Variants in TRHDE observed in about 807,000 individuals in gnomAD.
TRHDE encodes thyrotropin releasing hormone degrading enzyme.
TRHDE carries 72 observed loss-of-function variants against 125.7 expected under a neutral mutation model. The ratio of observed to expected loss-of-function variants is 0.57; its 90% confidence interval spans 0.47 to 0.70. The LOEUF is 0.70. TRHDE is among the 30% of genes least tolerant of loss of function. The pLI is 0.00. For synonymous variants in TRHDE, 509 were observed against 509.1 expected (o/e 1.00, Z 0.00); for missense variants, 1,110 against 1,327.1 (o/e 0.84, Z 2.54).
intron 12 of TRHDE, among the ~76,000 whole-genome samples, chr12:72,577,804 A>C (rs1871065094): frequency 6.6e-6 from 1 of 152,182 alleles, no homozygotes; most frequent in Admixed American, 6.5e-5. Flanking sequence ...GCTTTCAATT[A>C]CAATTTTGGG....
chr12:72,542,451 G>T, intron 7 of TRHDE, 95 bp downstream of exon 7: 1 of 1,008,272 alleles, frequency 9.9e-7, no homozygotes, highest in Non-Finnish European at 1.4e-6. Flanking sequence ...TGAACTTGGT[G>T]GAAAACTTTA....
At chr12:72,195,048 A>G (rs1470097781) in intron 2 of TRHDE, among the ~76,000 whole-genome samples, 1 of 152,068 alleles carries the variant, frequency 6.6e-6, no homozygotes, top group Non-Finnish European at 1.5e-5. Context: ...GGAAGCAAAC[A>G]TGTCCTTCTT....
chr12:72,451,209 C>T (rs1020585552), intron 3 of TRHDE, among the ~76,000 whole-genome samples: 5 of 152,044 alleles, frequency 3.3e-5, no homozygotes, highest in South Asian at 2.1e-4. Context: ...CAAAGCAGTA[C>T]CATTGAGCTT....
At chr12:72,289,362 T>C (rs1369388445) in intron 2 of TRHDE, among the ~76,000 whole-genome samples, 1 of 152,158 alleles carries the variant, frequency 6.6e-6, no homozygotes, top group Non-Finnish European at 1.5e-5. Flanking sequence ...CAAGGCACTA[T>C]TCTAAGTAAT....
At chr12:72,561,147 T>C (rs1870156956) in intron 7 of TRHDE, among the ~76,000 whole-genome samples, 2 of 152,190 alleles carry the variant, frequency 1.3e-5, no homozygotes, top group South Asian at 2.1e-4. Context: ...GAGTTGCCAT[T>C]TGCTGTGCTG....
intron 3 of TRHDE, among the ~76,000 whole-genome samples, chr12:72,426,457 A>T (rs1874187433): frequency 6.6e-6 from 1 of 152,176 alleles, no homozygotes; most frequent in Non-Finnish European, 1.5e-5. Flanking sequence ...TAAATACTTC[A>T]CATTGTGCCA....
intron 3 of TRHDE, among the ~76,000 whole-genome samples, chr12:72,399,241 G>A (rs1361555616): frequency 1.3e-5 from 2 of 152,224 alleles, no homozygotes; most frequent in East Asian, 1.9e-4. Context: ...GGCTGGGAAC[G>A]TCTGCTTTAA....
chr12:72,522,248 A>G (rs1038988161), intron 6 of TRHDE, among the ~76,000 whole-genome samples: 1 of 152,220 alleles, frequency 6.6e-6, no homozygotes, highest in African/African-American at 2.4e-5. Flanking sequence ...TTATGTTTAT[A>G]GAGCACCTTA....
In TRHDE at chr12:72,272,639, G is replaced by T; in HGVS notation, c.-5G>T. ...GGGGGCGGGGGAGGAGGAGGAGGCGGTGTGATGGCCCTGGACGGCGAGCTG... is the reference window on the plus strand; with the variant it reads ...GGGGGCGGGGGAGGAGGAGGAGGCGTTGTGATGGCCCTGGACGGCGAGCTG... On this transcript the variant is annotated 5_prime_UTR_variant, in exon 1 of 19. Coordinates refer to ENST00000261180, the MANE Select transcript of TRHDE (RefSeq NM_013381.3). This position sits in a 1 kb window ranked among gnomAD's most constrained non-coding sequence, Gnocchi z 6.7. The T allele has an allele frequency of 9.7e-7, 1 of 1,029,274 alleles. No individual in the cohort carries two copies. The allele number at this position is 1,029,274 out of a possible 1,614,324, so 63.8% of individuals were successfully genotyped here.
intron 2 of TRHDE, among the ~76,000 whole-genome samples, chr12:72,332,444 C>T (rs936949919): frequency 6.6e-6 from 1 of 152,106 alleles, no homozygotes; most frequent in African/African-American, 2.4e-5. Context: ...CGGCCCCAAA[C>T]TCTTTTAAAC....
At chr12:72,113,117 A>G (rs1203247236) in intron 2 of TRHDE, among the ~76,000 whole-genome samples, 1 of 152,124 alleles carries the variant, frequency 6.6e-6, no homozygotes, top group Non-Finnish European at 1.5e-5. Context: ...TCCCAGGCTC[A>G]CGTGATCCTC....
At chr12:72,213,544 A>G (rs1468470216) in intron 2 of TRHDE, among the ~76,000 whole-genome samples, 2 of 152,136 alleles carry the variant, frequency 1.3e-5, no homozygotes, top group Non-Finnish European at 2.9e-5. Flanking sequence ...AAATTAACAG[A>G]GCTAGAACAG....
At chr12:72,101,960 T>A (rs1875078146) in intron 1 of TRHDE, among the ~76,000 whole-genome samples, 1 of 152,226 alleles carries the variant, frequency 6.6e-6, no homozygotes, top group South Asian at 2.1e-4. Flanking sequence ...TTTGTTTAGA[T>A]CATTTAAAAT....
rs965663142 is a variant in TRHDE at position 72,664,573 on chromosome 12, T to G, written c.*1378T>G. 1 of 152,160 alleles carries G rather than the reference T, an allele frequency of 6.6e-6. No homozygotes were observed. Among genetic ancestry groups the G allele is most frequent in the Non-Finnish European group, 1.5e-5 (1 of 67,994 alleles). 9.4% of individuals were successfully genotyped at this position (152,160 alleles called of 1,614,324 possible). On this transcript the variant is annotated 3_prime_UTR_variant, in exon 19 of 19. Transcript: ENST00000261180. ...GTTTTTAAATGGTATTCTCACCCAG[T>G]AGGCCAGCTCTCCAAACGTTGCTTA...
intron 2 of TRHDE, among the ~76,000 whole-genome samples, chr12:72,188,901 C>G (rs1237444822): frequency 6.6e-6 from 1 of 152,198 alleles, no homozygotes; most frequent in East Asian, 1.9e-4. Context: ...CTGCAAGAAT[C>G]TTCCCCATCC....
chr12:72,089,305 C>A (rs1451692524), intron 1 of TRHDE, among the ~76,000 whole-genome samples: 1 of 152,184 alleles, frequency 6.6e-6, no homozygotes, highest in Non-Finnish European at 1.5e-5. Context: ...CCAGAGAGAT[C>A]TTTAAAGACG....
chr12:72,509,172 T>A (rs1175632786), intron 6 of TRHDE, among the ~76,000 whole-genome samples: 2 of 152,100 alleles, frequency 1.3e-5, no homozygotes. Context: ...TTAATCCTGT[T>A]CTCCTACAGC....
intron 2 of TRHDE, among the ~76,000 whole-genome samples, chr12:72,229,209 G>A (rs1480429889): frequency 6.6e-6 from 1 of 152,166 alleles, no homozygotes; most frequent in Admixed American, 6.6e-5. Context: ...AAGGAAAGAA[G>A]TTTAATGGAC....
intron 2 of TRHDE, among the ~76,000 whole-genome samples, chr12:72,288,302 C>T (rs1273090207): frequency 6.6e-6 from 1 of 152,082 alleles, no homozygotes; most frequent in African/African-American, 2.4e-5. Flanking sequence ...AAATTTTCCT[C>T]ACTGTTACTT....
Sources: gnomAD v4.1 joint callset for allele counts (sites outside exome capture counted in the v4.1 genomes callset) on GRCh38, gnomAD v4.1.1 for gene constraint, Gnocchi (gnomAD v3.1) non-coding constraint, MANE v1.5 for transcripts, NCBI Gene and HGNC (gene_info 2026-07-23, HGNC 2026-07-21) for gene names.